DPP6: variants seen among roughly 807,000 people sequenced by gnomAD.
DPP6 encodes A-type potassium channel modulatory protein DPP6.
In DPP6, 69 loss-of-function variants were observed where a neutral mutation model predicts 122.6. The observed-to-expected ratio is 0.56, with a 90% confidence interval of 0.46 to 0.69. DPP6 has a LOEUF of 0.69. Among genes scored for constraint, DPP6 ranks in the 30% least tolerant of loss-of-function variants. The probability of loss-of-function intolerance (pLI) is 0.00; values close to 1 mark genes in which losing one functional copy is unlikely to be tolerated. For synonymous variants in DPP6, 418 were observed against 433.1 expected (o/e 0.97, Z 0.43); for missense variants, 928 against 1,116.9 (o/e 0.83, Z 2.41).
At chr7:154,057,973 C>G (rs1278562266) in intron 1 of DPP6, 1 of 150,786 alleles carries the variant, frequency 6.6e-6, no homozygotes, top group Non-Finnish European at 1.5e-5. Flanking sequence ...GTACAAGAAG[C>G]AAATAAGCTG....
intron 16 of DPP6, among the ~76,000 whole-genome samples, chr7:154,847,017 G>A (rs1235930155): frequency 1.3e-5 from 2 of 152,050 alleles, no homozygotes; most frequent in East Asian, 1.9e-4. Context: ...TCCCATTTGT[G>A]ACCTGTACAT....
At chr7:154,554,811 T>C (rs1829899760) in intron 4 of DPP6, among the ~76,000 whole-genome samples, 1 of 152,174 alleles carries the variant, frequency 6.6e-6, no homozygotes, top group Non-Finnish European at 1.5e-5. Context: ...AATCATAATA[T>C]GCTAAAGTCA....
chr7:154,826,175 T>C (rs1229929337), intron 16 of DPP6, among the ~76,000 whole-genome samples: 2 of 152,216 alleles, frequency 1.3e-5, no homozygotes, highest in Admixed American at 6.5e-5. Flanking sequence ...TTAATAAATA[T>C]TTGAAGCCTT....
the DPP6 span, among the ~76,000 whole-genome samples, chr7:153,855,372 G>A: frequency 6.6e-6 from 1 of 152,096 alleles, no homozygotes; most frequent in Non-Finnish European, 1.5e-5. Flanking sequence ...CAAGGGAGCG[G>A]GGATTCTTTC....
chr7:153,812,629 C>A, the DPP6 span, among the ~76,000 whole-genome samples: 21 of 152,320 alleles, frequency 1.4e-4, no homozygotes, highest in East Asian at 3.9e-3. Context: ...AGCTCTACGA[C>A]TTCCTGTCTG....
At chr7:154,637,176 G>A (rs556886554) in intron 5 of DPP6, among the ~76,000 whole-genome samples, 22 of 152,202 alleles carry the variant, frequency 1.4e-4, no homozygotes, top group East Asian at 1.2e-3. Context: ...TAAGAAAGGC[G>A]TCCGAGATTT....
At chr7:154,291,781 C>T (rs1034251775) in intron 1 of DPP6, among the ~76,000 whole-genome samples, 1 of 152,202 alleles carries the variant, frequency 6.6e-6, no homozygotes, top group African/African-American at 2.4e-5. Flanking sequence ...CTCATCTTGT[C>T]CTTAGAAGGT....
intron 4 of DPP6, among the ~76,000 whole-genome samples, chr7:154,563,092 A>G (rs569837579): frequency 3.3e-5 from 5 of 152,334 alleles, no homozygotes; most frequent in African/African-American, 1.2e-4. Context: ...GAGGCAAGGC[A>G]GTTAATATCT....
the DPP6 span, among the ~76,000 whole-genome samples, chr7:153,816,819 G>T: frequency 6.6e-5 from 10 of 152,030 alleles, no homozygotes; most frequent in African/African-American, 2.4e-4. Context: ...AATGAGATTT[G>T]ACACTAAGAG....
chr7:153,820,346 T>C, the DPP6 span, among the ~76,000 whole-genome samples: 7 of 152,372 alleles, frequency 4.6e-5, no homozygotes, highest in Admixed American at 2.0e-4. Context: ...ATAAACCCTG[T>C]AATCTCAATC....
At chr7:153,792,790 C>T in the DPP6 span, among the ~76,000 whole-genome samples, 1 of 151,738 alleles carries the variant, frequency 6.6e-6, no homozygotes, top group East Asian at 1.9e-4. Flanking sequence ...TCCCAGAAGT[C>T]CCATGTGTTG....
chr7:154,025,228 T>C (rs1227011876), intron 1 of DPP6, among the ~76,000 whole-genome samples: 65 of 149,406 alleles, frequency 4.4e-4, no homozygotes, highest in African/African-American at 1.6e-3. Context: ...GTGGAGTCAG[T>C]TCAGCTCAGA....
intron 1 of DPP6, among the ~76,000 whole-genome samples, chr7:153,929,701 A>G (rs1009553228): frequency 6.6e-6 from 1 of 152,158 alleles, no homozygotes. Flanking sequence ...CGTACTGCAC[A>G]CTTGTCTGTT....
chr7:154,880,746 A>G, intron 20 of DPP6, 142 bp from the exon 21 acceptor site: 1 of 1,397,864 alleles, frequency 7.2e-7, no homozygotes, highest in Non-Finnish European at 9.8e-7. Context: ...ATAAATAATT[A>G]TATTGGAATG....
chr7:153,890,610 C>T (rs1411713198), intron 1 of DPP6, among the ~76,000 whole-genome samples: 2 of 151,672 alleles, frequency 1.3e-5, no homozygotes, highest in African/African-American at 4.9e-5. Flanking sequence ...GCAGATGCAC[C>T]AGCATACTAT....
chr7:153,829,731 A>C, the DPP6 span, among the ~76,000 whole-genome samples: 1 of 152,186 alleles, frequency 6.6e-6, no homozygotes, highest in Non-Finnish European at 1.5e-5. Flanking sequence ...TCTGATGGCC[A>C]CTTTTCATTT....
intron 16 of DPP6, among the ~76,000 whole-genome samples, chr7:154,810,807 C>T (rs910985217): frequency 2.0e-5 from 3 of 152,128 alleles, no homozygotes; most frequent in Admixed American, 6.6e-5. Flanking sequence ...ACTAACCTGG[C>T]CCATTGGGCA....
chr7:154,559,954 A>T (rs1280643871), intron 4 of DPP6, among the ~76,000 whole-genome samples: 2 of 127,328 alleles, frequency 1.6e-5, no homozygotes, highest in Non-Finnish European at 3.3e-5. Flanking sequence ...ATAGATATAT[A>T]TAAGATATAT....
intron 3 of DPP6, 170 bp downstream of exon 3, chr7:154,475,207 T>C: frequency 1.5e-6 from 1 of 645,886 alleles, no homozygotes; most frequent in Non-Finnish European, 2.8e-6. Flanking sequence ...TGAAAATGTG[T>C]ATCTGGTAAA....
Sources: allele counts gnomAD v4.1 joint callset (sites outside exome capture counted in the v4.1 genomes callset), GRCh38; gene constraint gnomAD v4.1.1; transcripts MANE v1.5; gene names NCBI Gene and HGNC (gene_info 2026-07-23, HGNC 2026-07-21).